PKNOX2: variants seen among roughly 807,000 people sequenced by gnomAD.
The protein encoded by PKNOX2 is PBX/knotted 1 homeobox 2.
PKNOX2 carries 14 observed loss-of-function variants against 53.1 expected under a neutral mutation model. The ratio of observed to expected loss-of-function variants is 0.26; its 90% CI spans 0.17 to 0.41. The LOEUF (loss-of-function observed/expected upper bound fraction) is 0.41, where lower values mean the gene tolerates loss of function less well. Among genes scored for constraint, PKNOX2 ranks in the 10% least tolerant of loss-of-function variants. The pLI, the probability that PKNOX2 is intolerant of heterozygous loss-of-function variation, is 1.00. For missense variants in PKNOX2, 496 were observed against 602.8 expected, an observed-to-expected ratio of 0.82 and a Z score of 1.85; for synonymous variants, 257 against 242.8, an observed-to-expected ratio of 1.06 and a Z score of -0.54.
At chr11:125,410,118 G>C in intron 7 of PKNOX2, 78 bp from the exon 8 acceptor site, 1 of 1,543,202 alleles carries the variant, frequency 6.5e-7, no homozygotes, top group Non-Finnish European at 8.8e-7. Flanking sequence ...GAAGGGGAAA[G>C]GACGGAAGAG....
intron 2 of PKNOX2, among the ~76,000 whole-genome samples, chr11:125,323,745 C>T (rs1949662875): frequency 6.6e-6 from 1 of 152,130 alleles, no homozygotes; most frequent in South Asian, 2.1e-4. Context: ...TGGGTGTGAG[C>T]CTAGGGCTCT....
At chr11:125,189,439 GTGTGTGTGTATA>G (rs1408926612) in intron 1 of PKNOX2, among the ~76,000 whole-genome samples, 27 of 56,752 alleles carry the variant, frequency 4.8e-4, no homozygotes, top group South Asian at 1.9e-3. Context: ...GTGTGTGTGT[GTGTGTGTGTATA>G]TATATATATA....
intron 2 of PKNOX2, among the ~76,000 whole-genome samples, chr11:125,282,649 C>T (rs994950385): frequency 1.3e-5 from 2 of 152,230 alleles, no homozygotes; most frequent in Non-Finnish European, 2.9e-5. Context: ...AGGTCCATGA[C>T]ATTTGAGCTT....
At chr11:125,197,493 G>T (rs1447547224) in intron 1 of PKNOX2, among the ~76,000 whole-genome samples, 1 of 152,114 alleles carries the variant, frequency 6.6e-6, no homozygotes, top group African/African-American at 2.4e-5. Context: ...CTATTATTCA[G>T]CCCAAGAGCT....
intron 1 of PKNOX2, among the ~76,000 whole-genome samples, chr11:125,229,237 C>T (rs536141874): frequency 6.6e-6 from 1 of 152,316 alleles, no homozygotes; most frequent in South Asian, 2.1e-4. Flanking sequence ...CAGCATGAGT[C>T]AGCCTCTAGG....
At chr11:125,378,574 G>A (rs755432353) in intron 5 of PKNOX2, among the ~76,000 whole-genome samples, 24 of 152,184 alleles carry the variant, frequency 1.6e-4, no homozygotes, top group Non-Finnish European at 2.4e-4. Flanking sequence ...AGGAAGGTGC[G>A]GAAGGAGCCG....
In PKNOX2 at chr11:125,281,488, G is replaced by A. The variant is rs558279381; in HGVS notation, c.-130+46373G>A. On this transcript the variant is annotated intron_variant, in intron 2 of 12. Coordinates refer to ENST00000298282, the MANE Select transcript of PKNOX2 (RefSeq NM_001382323.2). ...GCAGGCCTGGATTTGAATTCTGGCTGCCACTTACCCGTTGATTGCCTCTCT... is the reference window on the plus strand; with the variant it reads ...GCAGGCCTGGATTTGAATTCTGGCTACCACTTACCCGTTGATTGCCTCTCT... Among the ~76,000 whole-genome samples the A allele has an allele frequency of 7.9e-5, 12 of 152,286 alleles. No individual in the cohort carries two copies. The South Asian group carries it at 2.5e-3, about 32-fold the overall frequency.
chr11:125,283,393 C>T (rs1398784470), intron 2 of PKNOX2, among the ~76,000 whole-genome samples: 6 of 152,214 alleles, frequency 3.9e-5, no homozygotes, highest in Admixed American at 2.6e-4. Flanking sequence ...CTACCTGAGA[C>T]CTTCTCTGGA....
At chr11:125,211,227 A>G (rs1369729009) in intron 1 of PKNOX2, among the ~76,000 whole-genome samples, 1 of 152,014 alleles carries the variant, frequency 6.6e-6, no homozygotes, top group East Asian at 1.9e-4. Flanking sequence ...CAGACTTCTC[A>G]CTCCCAACTG....
At chr11:125,183,198 C>CT (rs10676031) in intron 1 of PKNOX2, among the ~76,000 whole-genome samples, 2,508 of 85,696 alleles carry the variant, frequency 0.029, 585 homozygotes, top group African/African-American at 0.11. Context: ...GCGATGAATC[C>CT]TTTTTTTTTT....
At chr11:125,329,830 G>A (rs994140475) in intron 2 of PKNOX2, among the ~76,000 whole-genome samples, 1 of 152,186 alleles carries the variant, frequency 6.6e-6, no homozygotes, top group Non-Finnish European at 1.5e-5. Context: ...GTGCAGGGTG[G>A]AAGATGAGTC....
intron 3 of PKNOX2, among the ~76,000 whole-genome samples, chr11:125,350,406 G>C (rs1951230440): frequency 6.6e-6 from 1 of 152,060 alleles, no homozygotes; most frequent in South Asian, 2.1e-4. Context: ...TTCCATCCCA[G>C]CTTCACTAAC....
At chr11:125,198,822 C>CCTT (rs200495085) in intron 1 of PKNOX2, among the ~76,000 whole-genome samples, 17 of 147,344 alleles carry the variant, frequency 1.2e-4, no homozygotes, top group South Asian at 2.2e-4. Context: ...TCCTCCTCTT[C>CCTT]CTTCTTCTTC....
At chr11:125,409,984 T>G in intron 7 of PKNOX2, 1 of 571,892 alleles carries the variant, frequency 1.7e-6, no homozygotes, top group East Asian at 3.2e-5. Flanking sequence ...GTTAAATGGG[T>G]GACTCTTTTT....
chr11:125,201,494 C>G (rs1938435203), intron 1 of PKNOX2, among the ~76,000 whole-genome samples: 1 of 152,188 alleles, frequency 6.6e-6, no homozygotes. Context: ...GAGAGAGAGT[C>G]AAGGCTGGCT....
chr11:125,321,468 A>G (rs1193801183), intron 2 of PKNOX2, among the ~76,000 whole-genome samples: 1 of 152,232 alleles, frequency 6.6e-6, no homozygotes, highest in Non-Finnish European at 1.5e-5. Context: ...TGCTATGTAA[A>G]TAGTTGTCCT....
chr11:125,228,835 T>C (rs948192355), intron 1 of PKNOX2, among the ~76,000 whole-genome samples: 1 of 152,120 alleles, frequency 6.6e-6, no homozygotes, highest in Non-Finnish European at 1.5e-5. Context: ...GCCAATGCAT[T>C]CCCCCATTAG....
intron 5 of PKNOX2, among the ~76,000 whole-genome samples, chr11:125,385,246 A>G (rs573860736): frequency 6.6e-6 from 1 of 152,300 alleles, no homozygotes; most frequent in South Asian, 2.1e-4. Flanking sequence ...TACTTCTTGG[A>G]AGGTTTATAA....
At position 125,388,179 on chromosome 11, in the gene PKNOX2, T is replaced by C. The variant is rs371566995; in HGVS notation, c.399+2457T>C. Among the ~76,000 whole-genome samples, 350 of 151,528 alleles carry C rather than the reference T, an allele frequency of 2.3e-3. 2 individuals are homozygous for C. Among genetic ancestry groups the C allele is most frequent in the African/African-American group, 7.9e-3 (325 of 41,254 alleles). On this transcript the variant is annotated intron_variant, in intron 6 of 12. Coordinates refer to ENST00000298282, the MANE Select transcript of PKNOX2 (RefSeq NM_001382323.2). ...CCACCCCTGGTCCTGTGTCAGGAAG[T>C]GGGAGGTAAAGAGGCCAACCACCGG...
Sources: gnomAD v4.1 joint callset for allele counts (sites outside exome capture counted in the v4.1 genomes callset) on GRCh38, gnomAD v4.1.1 for gene constraint, MANE v1.5 for transcripts, NCBI Gene and HGNC (gene_info 2026-07-23, HGNC 2026-07-21) for gene names.